ATG13: variants seen among roughly 807,000 people sequenced by gnomAD.
ATG13 encodes the protein autophagy-related protein 13.
ATG13 carries 23 observed loss-of-function variants against 65.5 expected under a neutral mutation model. The ratio of observed to expected loss-of-function variants is 0.35; its 90% CI spans 0.25 to 0.50. The LOEUF is 0.50. ATG13 is among the 20% of genes least tolerant of loss of function. The pLI, the probability that ATG13 is intolerant of heterozygous loss-of-function variation, is 0.98. For missense variants in ATG13, 566 were observed against 677.0 expected, an observed-to-expected ratio of 0.84 and a Z score of 1.82; for synonymous variants, 252 against 245.2, an observed-to-expected ratio of 1.03 and a Z score of -0.26.
At chr11:46,631,820 C>T (rs1477776168) in intron 2 of ATG13, among the ~76,000 whole-genome samples, 2 of 152,160 alleles carry the variant, frequency 1.3e-5, no homozygotes, top group African/African-American at 2.4e-5. Flanking sequence ...TCCAGGCTTG[C>T]AGTGAGCTAT....
intron 1 of ATG13, chr11:46,625,177 A>T (rs1012702382): frequency 5.3e-5 from 8 of 151,566 alleles, no homozygotes; most frequent in Admixed American, 4.6e-4. Flanking sequence ...AAAAAAAAAA[A>T]GAAAAATCAA....
At chr11:46,643,658 T>A (rs1261737403) in intron 2 of ATG13, among the ~76,000 whole-genome samples, 1 of 151,046 alleles carries the variant, frequency 6.6e-6, no homozygotes, top group Non-Finnish European at 1.5e-5. Context: ...ACCATGTTGA[T>A]CTTGCCCAAG....
chr11:46,645,564 AG>A, intron 4 of ATG13, 145 bp downstream of exon 4: 2 of 815,666 alleles, frequency 2.5e-6, no homozygotes, highest in Non-Finnish European at 3.7e-6. Flanking sequence ...TTACTTGAAA[AG>A]GTTGTTCTTA....
At chr11:46,662,976 C>T (rs774679107) in intron 11 of ATG13, among the ~76,000 whole-genome samples, 4 of 152,070 alleles carry the variant, frequency 2.6e-5, no homozygotes, top group Non-Finnish European at 5.9e-5. Context: ...AGGTTTAAAA[C>T]TGGAACAGTC....
intron 1 of ATG13, among the ~76,000 whole-genome samples, chr11:46,626,470 G>A (rs1005494440): frequency 2.0e-5 from 3 of 151,868 alleles, no homozygotes; most frequent in African/African-American, 4.8e-5. Context: ...GGCTGATCTC[G>A]AACTCCTGAC....
At chr11:46,664,811 G>A (rs1565605518) in intron 12 of ATG13, 38 bp from the exon 13 acceptor site, 1 of 1,573,276 alleles carries the variant, frequency 6.4e-7, no homozygotes, top group East Asian at 2.2e-5. Flanking sequence ...TTTTTTCCTT[G>A]CCTTTCCTTT....
At chr11:46,651,590 T>C (rs2058906402) in intron 7 of ATG13, among the ~76,000 whole-genome samples, 1 of 152,204 alleles carries the variant, frequency 6.6e-6, no homozygotes, top group Non-Finnish European at 1.5e-5. Context: ...GGTTTAAGCC[T>C]TTGCCTTACA....
At chr11:46,631,559 A>G (rs2051751547) in intron 2 of ATG13, among the ~76,000 whole-genome samples, 1 of 152,140 alleles carries the variant, frequency 6.6e-6, no homozygotes. Flanking sequence ...TTTTTCAGTA[A>G]TTGTTCAAAA....
At chr11:46,640,344 T>C (rs1455806791) in intron 2 of ATG13, among the ~76,000 whole-genome samples, 2 of 152,226 alleles carry the variant, frequency 1.3e-5, no homozygotes, top group Non-Finnish European at 2.9e-5. Flanking sequence ...TTCAGTCTCT[T>C]GTTAAAAAAT....
rs181133952 is a variant in ATG13, at chr11:46,673,494, G to A, written c.*1162G>A. 1 of 152,260 alleles carries A rather than the reference G, an allele frequency of 6.6e-6. No homozygotes were observed. The highest frequency in any genetic ancestry group is 2.4e-5 in the African/African-American group (1 of 41,440). The allele number at this position is 152,260 out of a possible 1,614,324, so 9.4% of individuals were successfully genotyped here. A position where few individuals can be genotyped will look rare whatever the true frequency, so the allele number is the denominator to read the frequency against. On this transcript the variant is annotated 3_prime_UTR_variant, in exon 19 of 19. Coordinates refer to ENST00000683050, the MANE Select transcript of ATG13 (RefSeq NM_001346311.2). Reference sequence around the variant, plus strand: ...CTAAATGTGATGGCCACATGTAGTGGTTAGGGGATGTTGTGTGTGTCCCCC... The same window carrying A: ...CTAAATGTGATGGCCACATGTAGTGATTAGGGGATGTTGTGTGTGTCCCCC...
intron 5 of ATG13, 106 bp downstream of exon 5, chr11:46,646,095 T>C: frequency 4.2e-6 from 6 of 1,414,828 alleles, no homozygotes; most frequent in Non-Finnish European, 5.7e-6. Context: ...CTCTCTGATA[T>C]TCTTATCATT....
intron 6 of ATG13, among the ~76,000 whole-genome samples, chr11:46,649,855 C>T (rs1271314014): frequency 6.6e-6 from 1 of 152,114 alleles, no homozygotes; most frequent in African/African-American, 2.4e-5. Flanking sequence ...AGATAGACAG[C>T]TCATAGGATA....
intron 18 of ATG13, 110 bp from the exon 19 acceptor site, chr11:46,672,145 G>T: frequency 6.4e-7 from 1 of 1,556,382 alleles, no homozygotes; most frequent in Non-Finnish European, 8.8e-7. Flanking sequence ...GCTCGGCCCA[G>T]CTAGGGCTGA....
chr11:46,666,900 T>G (rs2062493948), intron 14 of ATG13, among the ~76,000 whole-genome samples: 1 of 150,524 alleles, frequency 6.6e-6, no homozygotes, highest in Non-Finnish European at 1.5e-5. Flanking sequence ...TGGGAAGGAG[T>G]CATTTAGGAA....
intron 5 of ATG13, 169 bp from the exon 6 acceptor site, chr11:46,648,968 T>G: frequency 2.0e-6 from 1 of 505,784 alleles, no homozygotes; most frequent in Non-Finnish European, 3.4e-6. Context: ...CAAAATAGCA[T>G]ATAGACTGTG....
intron 1 of ATG13, among the ~76,000 whole-genome samples, chr11:46,626,542 G>A (rs1487625122): frequency 2.0e-5 from 3 of 152,130 alleles, no homozygotes; most frequent in Non-Finnish European, 2.9e-5. Context: ...GAGCCACTGC[G>A]CCCGGCCTGG....
At chr11:46,665,856 G>GT (rs966615473) in intron 14 of ATG13, among the ~76,000 whole-genome samples, 2 of 131,186 alleles carry the variant, frequency 1.5e-5, no homozygotes, top group African/African-American at 6.0e-5. Context: ...CTAGGCTGAA[G>GT]TGCAGTGGTA....
At chr11:46,646,044 C>CT (rs1486812144) in intron 5 of ATG13, 55 bp downstream of exon 5, 3 of 1,605,172 alleles carry the variant, frequency 1.9e-6, no homozygotes, top group Admixed American at 1.7e-5. Flanking sequence ...TCCTCACACT[C>CT]TGAGTCCAGT....
intron 3 of ATG13, among the ~76,000 whole-genome samples, chr11:46,645,127 G>T (rs1476168869): frequency 6.6e-6 from 1 of 152,138 alleles, no homozygotes; most frequent in Admixed American, 6.5e-5. Context: ...GGTTGACACT[G>T]TACCCTCAGG....
Sources: gnomAD v4.1 joint callset for allele counts (sites outside exome capture counted in the v4.1 genomes callset) on GRCh38, gnomAD v4.1.1 for gene constraint, MANE v1.5 for transcripts, NCBI Gene and HGNC (gene_info 2026-07-23, HGNC 2026-07-21) for gene names.